The following MAMDC2 variants were observed in gnomAD, a reference collection of about 807,000 sequenced individuals.
MAMDC2 encodes MAM domain containing 2, also known as MAM domain-containing protein 2.
MAMDC2 carries 57 observed loss-of-function variants against 89.8 expected under a neutral mutation model. That is an observed-to-expected ratio of 0.63 (90% CI 0.51 to 0.79). The LOEUF (loss-of-function observed/expected upper bound fraction) is 0.79, where lower values mean the gene tolerates loss of function less well. MAMDC2 is among the 30% of genes least tolerant of loss of function. The pLI is 0.00. For synonymous variants in MAMDC2, 313 were observed against 293.4 expected (o/e 1.07, Z -0.68); for missense variants, 800 against 820.6 (o/e 0.97, Z 0.31).
At chr9:70,048,750 G>A (rs945115364) in intron 2 of MAMDC2, among the ~76,000 whole-genome samples, 4 of 152,214 alleles carry the variant, frequency 2.6e-5, no homozygotes, top group Admixed American at 2.6e-4. Flanking sequence ...CCTGATGCCA[G>A]CTGTGGGGGC....
At chr9:70,163,376 G>A (rs953013969) in intron 9 of MAMDC2, among the ~76,000 whole-genome samples, 1 of 151,786 alleles carries the variant, frequency 6.6e-6, no homozygotes, top group Non-Finnish European at 1.5e-5. Flanking sequence ...CTACAGGCGT[G>A]AGCCACCATG....
chr9:70,184,756 T>C (rs575055943), intron 11 of MAMDC2, among the ~76,000 whole-genome samples: 1 of 152,204 alleles, frequency 6.6e-6, no homozygotes, highest in South Asian at 2.1e-4. Flanking sequence ...TTCTTTAAAC[T>C]GGTTATTCTA....
chr9:70,175,148 G>T (rs1005623169), intron 11 of MAMDC2, among the ~76,000 whole-genome samples: 2 of 152,182 alleles, frequency 1.3e-5, no homozygotes, highest in Admixed American at 1.3e-4. Flanking sequence ...GAAAGACTAG[G>T]CGTGCAAATG....
At chr9:70,123,201 T>C (rs1338009397) in intron 5 of MAMDC2, among the ~76,000 whole-genome samples, 1 of 152,234 alleles carries the variant, frequency 6.6e-6, no homozygotes, top group East Asian at 1.9e-4. Context: ...TGGTAAGTCA[T>C]GTTACAAAGA....
intron 5 of MAMDC2, among the ~76,000 whole-genome samples, chr9:70,116,697 G>GA (rs34849432): frequency 0.15 from 16,943 of 112,720 alleles, 1,168 homozygotes; most frequent in Middle Eastern, 0.27. Context: ...TTTGGCATTA[G>GA]AAAAAAAAAA....
intron 1 of MAMDC2, 102 bp downstream of exon 1, chr9:70,044,333 C>A (rs1826680794): frequency 1.5e-6 from 2 of 1,308,064 alleles, no homozygotes; most frequent in Non-Finnish European, 1.1e-6. Context: ...CTGGGCCATC[C>A]GAGGGCGCCT....
intron 2 of MAMDC2, among the ~76,000 whole-genome samples, chr9:70,071,946 G>A (rs1054676019): frequency 1.3e-5 from 2 of 151,890 alleles, no homozygotes; most frequent in African/African-American, 4.8e-5. Context: ...ATATGAAGGA[G>A]GTAACTTGAG....
At chr9:70,158,750 T>C (rs2031857419) in intron 9 of MAMDC2, among the ~76,000 whole-genome samples, 1 of 150,256 alleles carries the variant, frequency 6.7e-6, no homozygotes, top group African/African-American at 2.4e-5. Context: ...ATAGAATATT[T>C]ATACAAACCT....
chr9:70,079,234 T>A (rs1827602501), intron 2 of MAMDC2: 1 of 152,182 alleles, frequency 6.6e-6, no homozygotes, highest in Non-Finnish European at 1.5e-5. Context: ...AGATGACTAT[T>A]GGCTCACTTA....
At chr9:70,060,333 C>T (rs1827119900) in intron 2 of MAMDC2, among the ~76,000 whole-genome samples, 2 of 152,170 alleles carry the variant, frequency 1.3e-5, no homozygotes, top group African/African-American at 2.4e-5. Flanking sequence ...TCTATGAAGG[C>T]TGACACCTTG....
At chr9:70,070,260 A>G (rs1827372104) in intron 2 of MAMDC2, among the ~76,000 whole-genome samples, 1 of 152,198 alleles carries the variant, frequency 6.6e-6, no homozygotes, top group African/African-American at 2.4e-5. Context: ...TTTTCACTCC[A>G]GGCATGTGGA....
intron 5 of MAMDC2, among the ~76,000 whole-genome samples, chr9:70,120,053 T>G (rs751885433): frequency 3.3e-5 from 5 of 152,190 alleles, no homozygotes; most frequent in Non-Finnish European, 7.4e-5. Context: ...TCTAATGGAA[T>G]TACCGCACTG....
intron 2 of MAMDC2, among the ~76,000 whole-genome samples, chr9:70,059,718 T>C (rs1038761117): frequency 6.6e-5 from 10 of 152,192 alleles, no homozygotes; most frequent in Middle Eastern, 3.2e-3. Context: ...TTCTTCATCG[T>C]TTTTTCCAGA....
chr9:70,196,840 C>T (rs1337325912), intron 11 of MAMDC2, among the ~76,000 whole-genome samples: 4 of 151,978 alleles, frequency 2.6e-5, no homozygotes, highest in Non-Finnish European at 2.9e-5. Context: ...GCAAAGAACC[C>T]AGTACTCTTA....
chr9:70,164,865 C>T (rs1423605533), intron 9 of MAMDC2, among the ~76,000 whole-genome samples: 1 of 151,668 alleles, frequency 6.6e-6, no homozygotes, highest in African/African-American at 2.4e-5. Context: ...ATCTTCAACT[C>T]CTGGCCTCAA....
At chr9:70,146,871 G>A (rs1261094647) in intron 9 of MAMDC2, among the ~76,000 whole-genome samples, 2 of 152,052 alleles carry the variant, frequency 1.3e-5, no homozygotes, top group African/African-American at 4.8e-5. Context: ...GGAGGCGGAG[G>A]TTGCAGTGAG....
At chr9:70,089,805 T>C (rs2118170278) in intron 2 of MAMDC2, among the ~76,000 whole-genome samples, 1 of 152,292 alleles carries the variant, frequency 6.6e-6, no homozygotes, top group South Asian at 2.1e-4. Context: ...TAGATTAGTA[T>C]TTAGTGATTA....
At chr9:70,218,744 C>A in intron 12 of MAMDC2, 148 bp downstream of exon 12, 2 of 849,604 alleles carry the variant, frequency 2.4e-6, no homozygotes, top group Non-Finnish European at 3.4e-6. Flanking sequence ...CATAATTAGT[C>A]TATACATTGA....
chr9:70,166,643 G>GTGTTTGCT (rs2032188358), intron 9 of MAMDC2, among the ~76,000 whole-genome samples: 1 of 151,886 alleles, frequency 6.6e-6, no homozygotes, highest in Non-Finnish European at 1.5e-5. Context: ...AAAATTCTGG[G>GTGTTTGCT]TGTTTGCTTG....
Sources: gnomAD v4.1 joint callset for allele counts (sites outside exome capture counted in the v4.1 genomes callset) on GRCh38, gnomAD v4.1.1 for gene constraint, MANE v1.5 for transcripts, NCBI Gene and HGNC (gene_info 2026-07-23, HGNC 2026-07-21) for gene names.